The following SDAD1 variants were observed in gnomAD, a reference collection of about 807,000 sequenced individuals.
SDAD1 encodes the protein protein SDA1 homolog.
In SDAD1, 79 loss-of-function variants were observed where a neutral mutation model predicts 100.3. The observed-to-expected ratio is 0.79, with a 90% CI of 0.66 to 0.95. The LOEUF is 0.95. Among genes scored for constraint, SDAD1 ranks in the 40% least tolerant of loss-of-function variants. The pLI, the probability that SDAD1 is intolerant of heterozygous loss-of-function variation, is 0.00. For missense variants in SDAD1, 790 were observed against 810.9 expected (o/e 0.97, Z 0.31); for synonymous variants, 267 against 271.4 (o/e 0.98, Z 0.16).
chr4:75,971,457 T>C lies in SDAD1; in HGVS notation c.713A>G (p.Asp238Gly), dbSNP rs138869824. 6.8e-6 allele frequency: 11 copies of C among 1,606,040 alleles called. No individual in the cohort carries two copies. Among genetic ancestry groups the C allele is most frequent in the African/African-American group, 5.3e-5 (4 of 74,774 alleles). Reference protein sequence around the residue: ...EKQDSDSESEDDGPTARDLLV... With the variant: ...EKQDSDSESEGDGPTARDLLV... The stretch of plus-strand genomic sequence containing the variant: ...CAGGTCTCTTGCTGTTGGTCCATCA[T>C]CCTAAAGAAGAAATTACTTTGTAAA... Residue 238 changes from aspartate (D) to glycine (G), a missense_variant and splice_region_variant, in exon 9 of 22, where the codon GAT (aspartate) becomes GGT (glycine). Physicochemically the swap from Asp to Gly is moderately conservative, Grantham distance 94. Transcript: ENST00000356260.
rs188981143 is a variant in SDAD1 at position 75,957,314 on chromosome 4, T to C, written c.1854+11A>G. The C allele has an allele frequency of 9.3e-6, 15 of 1,607,078 alleles. No homozygotes were observed. The highest frequency in any genetic ancestry group is 6.7e-5 in the African/African-American group (5 of 74,718). The stretch of plus-strand genomic sequence containing the variant: ...TCTGTTTAAAAAACTAGGAATGATA[T>C]GCTCACTCACCATTGCAGTTGCTAG... On this transcript the variant is annotated intron_variant, in intron 20 of 21. Transcript: ENST00000356260.
intron 3 of SDAD1, 64 bp downstream of exon 3, chr4:75,981,308 A>C: frequency 6.9e-7 from 1 of 1,443,790 alleles, no homozygotes; most frequent in Non-Finnish European, 9.7e-7. Flanking sequence ...GTTCTCATTT[A>C]AATATATATG....
In SDAD1 at chr4:75,974,253, G is replaced by GT. The variant is rs1435009486; in HGVS notation, c.579-121dup. The GT allele has an allele frequency of 1.9e-5, 15 of 794,222 alleles. 1 individual carries two copies. In the East Asian group the frequency reaches 4.0e-4, roughly 21 times the overall value. 49.2% of individuals were successfully genotyped at this position (794,222 alleles called of 1,614,324 possible). A position where few individuals can be genotyped will look rare whatever the true frequency, so the allele number is the denominator to read the frequency against. ...TTGTGACGTACTAGAATTCCCAGTTGTAATATTTTAAAAAGATACGAGTTG... is the reference window on the plus strand; with the variant it reads ...TTGTGACGTACTAGAATTCCCAGTTGTTAATATTTTAAAAAGATACGAGTTG... On this transcript the variant is annotated intron_variant, in intron 6 of 21. Coordinates refer to ENST00000356260, the MANE Select transcript of SDAD1 (RefSeq NM_018115.4).
intron 12 of SDAD1, among the ~76,000 whole-genome samples, chr4:75,966,910 G>A (rs916978191): frequency 1.3e-5 from 2 of 152,040 alleles, no homozygotes; most frequent in African/African-American, 4.8e-5. Flanking sequence ...GGGATTACAG[G>A]TGCCCGACAC....
At chr4:75,963,189 A>C (rs1729345542) in intron 14 of SDAD1, among the ~76,000 whole-genome samples, 1 of 152,130 alleles carries the variant, frequency 6.6e-6, no homozygotes, top group Admixed American at 6.5e-5. Context: ...TTTGTCAAAG[A>C]ACAGATGGTT....
intron 1 of SDAD1, among the ~76,000 whole-genome samples, chr4:75,987,164 T>A (rs1015370820): frequency 1.3e-5 from 2 of 152,208 alleles, no homozygotes; most frequent in South Asian, 4.1e-4. Context: ...ATATAATTCA[T>A]ATACCATAAA....
chr4:75,955,853 C>T (rs902610302), intron 21 of SDAD1, 122 bp downstream of exon 21: 12 of 1,154,400 alleles, frequency 1.0e-5, no homozygotes, highest in Middle Eastern at 3.0e-4. Flanking sequence ...TGCTCTCCAA[C>T]AATGCTCCCA....
intron 6 of SDAD1, among the ~76,000 whole-genome samples, chr4:75,975,218 A>G (rs1730091357): frequency 6.6e-6 from 1 of 152,218 alleles, no homozygotes; most frequent in Non-Finnish European, 1.5e-5. Context: ...TGTAATGAAT[A>G]TTACTTTTAT....
At chr4:75,956,908 G>A (rs1196968911) in intron 20 of SDAD1, among the ~76,000 whole-genome samples, 1 of 152,176 alleles carries the variant, frequency 6.6e-6, no homozygotes, top group East Asian at 1.9e-4. Flanking sequence ...CCAGGAGTTT[G>A]AGACCAGCCT....
Position 75,990,843 on chromosome 4 carries a change from T to C in SDAD1, c.-2A>G, listed in dbSNP as rs760385775. 1.9e-6 allele frequency: 3 copies of C among 1,614,086 alleles called. No homozygotes were observed. Among genetic ancestry groups the C allele is most frequent in the African/African-American group, 2.7e-5 (2 of 75,022 alleles). On this transcript the variant is annotated 5_prime_UTR_variant, in exon 1 of 22. Coordinates refer to ENST00000356260, the MANE Select transcript of SDAD1 (RefSeq NM_018115.4). ...CTTGTTGTTGTTTCTGTTGGACATT[T>C]TGGCTGCAGACAGACTTCGCGGCGA...
chr4:75,950,520 G>A lies in SDAD1; in HGVS notation c.*230C>T. On this transcript the variant is annotated 3_prime_UTR_variant, in exon 22 of 22. Transcript: ENST00000356260. ...AGGCACTCAATACATACTTTTTTTT[G>A]CATGAATGATAAATGAAATGATTTT... 2.2e-6 allele frequency: 1 copy of A among 444,452 alleles called. No individual in the cohort carries two copies. The highest frequency in any genetic ancestry group is 4.2e-6 in the Non-Finnish European group (1 of 239,800). 27.5% of individuals were successfully genotyped at this position (444,452 alleles called of 1,614,324 possible).
intron 12 of SDAD1, 124 bp from the exon 13 acceptor site, chr4:75,965,946 C>G (rs1266649787): frequency 5.5e-6 from 4 of 724,336 alleles, no homozygotes; most frequent in Non-Finnish European, 9.4e-6. Context: ...CTGGAACACT[C>G]AATCCCCAGA....
chr4:75,956,890 G>A (rs894791999), intron 20 of SDAD1, among the ~76,000 whole-genome samples: 1 of 152,074 alleles, frequency 6.6e-6, no homozygotes, highest in Non-Finnish European at 1.5e-5. Context: ...CGGGTGGATC[G>A]CATGAGGCCA....
chr4:75,965,625 T>C (rs1729494778), intron 13 of SDAD1, 139 bp downstream of exon 13: 2 of 739,276 alleles, frequency 2.7e-6, no homozygotes, highest in South Asian at 3.0e-5. Context: ...TCCCTTCATT[T>C]CTCAGACCAT....
chr4:75,955,898 G>C, intron 21 of SDAD1, 77 bp downstream of exon 21: 2 of 1,477,076 alleles, frequency 1.4e-6, no homozygotes, highest in Non-Finnish European at 1.8e-6. Flanking sequence ...TTCAGAAGGC[G>C]CAAGTCCGTC....
chr4:75,963,892 TGTAAAA>T (rs1465866148), intron 14 of SDAD1, among the ~76,000 whole-genome samples: 1 of 152,200 alleles, frequency 6.6e-6, no homozygotes, highest in African/African-American at 2.4e-5. Flanking sequence ...ATTATTCATC[TGTAAAA>T]GTAAAACTGC....
chr4:75,963,186 A>C (rs896960176), intron 14 of SDAD1, among the ~76,000 whole-genome samples: 5 of 152,094 alleles, frequency 3.3e-5, no homozygotes, highest in Admixed American at 6.5e-5. Flanking sequence ...AGGTTTGTCA[A>C]AGAACAGATG....
chr4:75,950,713 T>C lies in SDAD1; in HGVS notation c.*37A>G. ...CAATTTTCAGAGCAAGGACACAAAC[T>C]TAGCATTCTTCTAGGAATGGAAAAC... is the stretch of plus-strand genomic sequence containing the variant. On this transcript the variant is annotated 3_prime_UTR_variant, in exon 22 of 22. Transcript: ENST00000356260. 6.8e-7 allele frequency: 1 copy of C among 1,476,630 alleles called. No homozygotes were observed. Among genetic ancestry groups the C allele is most frequent in the Non-Finnish European group, 9.4e-7 (1 of 1,063,570 alleles). 91.5% of individuals were successfully genotyped at this position (1,476,630 alleles called of 1,614,324 possible).
intron 4 of SDAD1, among the ~76,000 whole-genome samples, chr4:75,977,289 G>C (rs1314527650): frequency 6.6e-6 from 1 of 152,198 alleles, no homozygotes; most frequent in Non-Finnish European, 1.5e-5. Context: ...TCTGGAACCA[G>C]AGCCTGGGCT....
Sources: allele counts gnomAD v4.1 joint callset (sites outside exome capture counted in the v4.1 genomes callset), GRCh38; gene constraint gnomAD v4.1.1; transcripts MANE v1.5; gene names NCBI Gene and HGNC (gene_info 2026-07-23, HGNC 2026-07-21).